ZSCAN25: variants seen among roughly 807,000 people sequenced by gnomAD.
ZSCAN25 encodes zinc finger and SCAN domain containing 25.
In ZSCAN25, 27 loss-of-function variants were observed where a neutral mutation model predicts 38.7. The observed-to-expected ratio is 0.70, with a 90% CI of 0.51 to 0.96. The LOEUF is 0.96. Among genes scored for constraint, ZSCAN25 ranks in the 40% least tolerant of loss-of-function variants. ZSCAN25 has a pLI of 0.00. For synonymous variants in ZSCAN25, 273 were observed against 277.7 expected (o/e 0.98, Z 0.17); for missense variants, 637 against 705.9 (o/e 0.90, Z 1.11).
At chr7:99,619,284 A>G (rs948809843) in intron 3 of ZSCAN25, among the ~76,000 whole-genome samples, 152 bp downstream of exon 3, 3 of 152,180 alleles carry the variant, frequency 2.0e-5, no homozygotes, top group East Asian at 3.8e-4. Flanking sequence ...AACCCATTAT[A>G]TATTATTCTC....
At chr7:99,673,876 A>G in the ZSCAN25 span, among the ~76,000 whole-genome samples, 1 of 152,230 alleles carries the variant, frequency 6.6e-6, no homozygotes, top group African/African-American at 2.4e-5. Flanking sequence ...AAACCTGCAG[A>G]AAAGTGGTAA....
chr7:99,629,046 GAAGT>G lies in ZSCAN25; in HGVS notation c.806-141_806-138del. The G allele has an allele frequency of 8.6e-7, 1 of 1,161,980 alleles. No individual in the cohort carries two copies. The highest frequency in any genetic ancestry group is 1.8e-5 in the South Asian group (1 of 56,068). 72.0% of individuals were successfully genotyped at this position (1,161,980 alleles called of 1,614,324 possible). ...ACATGGAGGTGGAAATAAGGAAAAA[GAAGT>G]AAGGAAAGCCTGAGTTGAGGTTGTT... On this transcript the variant is annotated intron_variant, in intron 7 of 7. Transcript: ENST00000394152. This position sits in a 1 kb window ranked among gnomAD's most constrained non-coding sequence, Gnocchi z 5.6.
chr7:99,680,041 G>T, the ZSCAN25 span: 6 of 716,084 alleles, frequency 8.4e-6, no homozygotes. Flanking sequence ...TGGAGAAGGA[G>T]GCAGGGCTAT....
At chr7:99,656,447 G>A in the ZSCAN25 span, among the ~76,000 whole-genome samples, 3 of 152,172 alleles carry the variant, frequency 2.0e-5, no homozygotes, top group Admixed American at 6.5e-5. Context: ...GATCATGGTG[G>A]ATAAGCTTTT....
At position 99,618,566 on chromosome 7, in the gene ZSCAN25, G is replaced by T. The variant is rs565984986; in HGVS notation, c.-217G>T. 4 of 152,142 alleles carry T rather than the reference G, an allele frequency of 2.6e-5. No homozygotes were observed. The highest frequency in any genetic ancestry group is 9.6e-5 in the African/African-American group (4 of 41,506). 9.4% of individuals were successfully genotyped at this position (152,142 alleles called of 1,614,324 possible). A position where few individuals can be genotyped will look rare whatever the true frequency, so the allele number is the denominator to read the frequency against. On this transcript the variant is annotated 5_prime_UTR_variant, in exon 2 of 8. Coordinates refer to ENST00000394152, the MANE Select transcript of ZSCAN25 (RefSeq NM_145115.3). ...CATCTAAGCCATCAGCAAGTTTGTT[G>T]GTTTTAATCTCCAAAATACGTCTTG...
At chr7:99,621,635 T>C (rs1806974391) in intron 5 of ZSCAN25, 61 bp downstream of exon 5, 1 of 1,253,832 alleles carries the variant, frequency 8.0e-7, no homozygotes, top group African/African-American at 1.5e-5. Flanking sequence ...TGCAGCCAAC[T>C]CTCTTCAGAA....
chr7:99,708,868 CTG>C, the ZSCAN25 span, among the ~76,000 whole-genome samples: 2 of 152,078 alleles, frequency 1.3e-5, no homozygotes, highest in African/African-American at 2.4e-5. Context: ...TTTATCTAGT[CTG>C]TGGTTTGTAA....
intron 7 of ZSCAN25, among the ~76,000 whole-genome samples, chr7:99,624,829 C>T (rs940556560): frequency 4.6e-5 from 7 of 152,138 alleles, no homozygotes; most frequent in Admixed American, 6.5e-5. Flanking sequence ...GCCAGCAGAG[C>T]GCACTGCGGG....
the ZSCAN25 span, among the ~76,000 whole-genome samples, chr7:99,706,600 A>G: frequency 4.5e-4 from 69 of 152,350 alleles, no homozygotes; most frequent in African/African-American, 1.6e-3. Context: ...CTGTTCTTTA[A>G]CTTCTTCAGA....
intron 6 of ZSCAN25, 126 bp downstream of exon 6, chr7:99,622,766 C>A: frequency 1.3e-6 from 1 of 799,594 alleles, no homozygotes; most frequent in Non-Finnish European, 2.0e-6. Flanking sequence ...CCTTCCTAGT[C>A]CCGGTGGACC....
At chr7:99,641,846 A>T in the ZSCAN25 span, among the ~76,000 whole-genome samples, 1 of 152,080 alleles carries the variant, frequency 6.6e-6, no homozygotes, top group Admixed American at 6.6e-5. Flanking sequence ...TTCTCCCTAG[A>T]CTTTGTCAGC....
the ZSCAN25 span, among the ~76,000 whole-genome samples, chr7:99,733,441 G>GA: frequency 5.9e-5 from 9 of 152,150 alleles, no homozygotes; most frequent in Non-Finnish European, 1.2e-4. Context: ...GAGGCTAACA[G>GA]AAAAATCCAT....
At chr7:99,726,363 A>G in the ZSCAN25 span, among the ~76,000 whole-genome samples, 1 of 152,112 alleles carries the variant, frequency 6.6e-6, no homozygotes, top group East Asian at 1.9e-4. Context: ...CCCCCATCTT[A>G]CCTGTCTAAA....
chr7:99,699,960 T>G, the ZSCAN25 span: 9 of 1,595,870 alleles, frequency 5.6e-6, no homozygotes, highest in South Asian at 9.9e-5. Context: ...GGACAGTTAC[T>G]GACAGATAGA....
chr7:99,641,139 C>T, the ZSCAN25 span, among the ~76,000 whole-genome samples: 1 of 152,128 alleles, frequency 6.6e-6, no homozygotes, highest in African/African-American at 2.4e-5. Context: ...TCTCGTGCTG[C>T]TATAAAGAGC....
At chr7:99,617,622 G>A (rs1349369508) in intron 1 of ZSCAN25, among the ~76,000 whole-genome samples, 2 of 152,188 alleles carry the variant, frequency 1.3e-5, no homozygotes, top group Non-Finnish European at 2.9e-5. Flanking sequence ...GCACTCGCCA[G>A]TAGTCCCAGC....
chr7:99,682,344 G>A, the ZSCAN25 span, among the ~76,000 whole-genome samples: 2 of 152,284 alleles, frequency 1.3e-5, no homozygotes, highest in Middle Eastern at 3.4e-3. Flanking sequence ...TCATTATTCT[G>A]CATGTTAAAA....
chr7:99,657,864 T>C, the ZSCAN25 span, among the ~76,000 whole-genome samples: 1 of 152,232 alleles, frequency 6.6e-6, no homozygotes, highest in African/African-American at 2.4e-5. Flanking sequence ...TTTTGATCTT[T>C]GTTGGTTTAA....
chr7:99,685,061 A>G, the ZSCAN25 span: 1 of 1,058,918 alleles, frequency 9.4e-7, no homozygotes, highest in South Asian at 1.3e-5. Context: ...TCAGGGTACT[A>G]TTCACAAAGT....
Sources: allele counts gnomAD v4.1 joint callset (sites outside exome capture counted in the v4.1 genomes callset), GRCh38; gene constraint gnomAD v4.1.1; non-coding constraint Gnocchi (gnomAD v3.1); transcripts MANE v1.5; gene names NCBI Gene and HGNC (gene_info 2026-07-23, HGNC 2026-07-21).